The following ABCA10 variants were observed in gnomAD, a reference collection of about 807,000 sequenced individuals.
ABCA10 encodes ATP-binding cassette sub-family A member 10.
Under a neutral mutation model 187.5 loss-of-function variants are expected in ABCA10, and 169 were observed. The ratio of observed to expected loss-of-function variants is 0.90; its 90% CI spans 0.80 to 1.02. The LOEUF (loss-of-function observed/expected upper bound fraction) is 1.02, where lower values mean the gene tolerates loss of function less well. Ranked by LOEUF, ABCA10 falls within the 50% of genes least tolerant of loss-of-function variation. The probability of loss-of-function intolerance (pLI) is 0.00; values close to 1 mark genes in which losing one functional copy is unlikely to be tolerated. For synonymous variants in ABCA10, 574 were observed against 601.8 expected, an observed-to-expected ratio of 0.95 and a Z score of 0.68; for missense variants, 1,727 against 1,812.4, an observed-to-expected ratio of 0.95 and a Z score of 0.86.
intron 12 of ABCA10, 40 bp downstream of exon 12, chr17:69,194,345 G>T (rs755113300): frequency 1.3e-6 from 2 of 1,519,210 alleles, no homozygotes; most frequent in South Asian, 1.1e-5. Context: ...TTTACAACTT[G>T]CTTTTTCAGC....
intron 22 of ABCA10, among the ~76,000 whole-genome samples, chr17:69,177,058 G>C (rs1223446246): frequency 1.3e-5 from 2 of 152,144 alleles, no homozygotes; most frequent in East Asian, 3.9e-4. Flanking sequence ...GATTCCCAAA[G>C]TATGCATTAT....
intron 9 of ABCA10, among the ~76,000 whole-genome samples, chr17:69,210,830 GCC>G: frequency 7.8e-5 from 5 of 64,252 alleles, no homozygotes; most frequent in African/African-American, 4.2e-4. Flanking sequence ...ATATATATAT[GCC>G]ACATATTTAT....
chr17:69,208,771 T>C (rs1382199509), intron 9 of ABCA10, among the ~76,000 whole-genome samples: 1 of 152,192 alleles, frequency 6.6e-6, no homozygotes, highest in African/African-American at 2.4e-5. Flanking sequence ...GCACAGTGGC[T>C]CACATTTGTA....
chr17:69,192,548 ACC>A lies in ABCA10; in HGVS notation c.1871+13_1871+14del. On this transcript the variant is annotated intron_variant, in intron 16 of 38. Coordinates refer to ENST00000690296, the MANE Select transcript of ABCA10 (RefSeq NM_001377321.1). ...AATATGCTCATTTAAAAATAACTAC[ACC>A]TAGAATACATACCTTAAATGATATC... 6.3e-7 allele frequency: 1 copy of A among 1,588,654 alleles called. No individual in the cohort carries two copies. Among genetic ancestry groups the A allele is most frequent in the Non-Finnish European group, 8.6e-7 (1 of 1,159,816 alleles).
chr17:69,174,421 G>A (rs371259432), intron 24 of ABCA10, 27 bp from the exon 25 acceptor site: 362 of 1,539,334 alleles, frequency 2.4e-4, no homozygotes, highest in Non-Finnish European at 2.9e-4. Context: ...TCAATGGCAA[G>A]ATTAGAAATG....
At chr17:69,178,915 C>T (rs1341561143) in intron 22 of ABCA10, 1 of 152,106 alleles carries the variant, frequency 6.6e-6, no homozygotes, top group East Asian at 1.9e-4. Flanking sequence ...TAAGAGAGAA[C>T]TCACCTTCCC....
intron 24 of ABCA10, 60 bp from the exon 25 acceptor site, chr17:69,174,454 A>G (rs2074319017): frequency 2.0e-6 from 3 of 1,464,946 alleles, no homozygotes; most frequent in African/African-American, 2.9e-5. Flanking sequence ...GGGAAAGAGG[A>G]GGGGAGATAA....
At position 69,197,103 on chromosome 17, in the gene ABCA10, C is replaced by A. The variant is rs1568065104; in HGVS notation, c.1195G>T (p.Glu399Ter). ...ACTTTTCCAGTCTTTCCATTATATT[C>A]TTTTATAACATTTCTGATTCTGAAA... ...EAIRIRNVIKEYNGKTGKVEA... is the reference protein window; with the variant it reads ...EAIRIRNVIK The change falls in exon 11 of 39, where the codon GAA becomes TAA. Residue 399 changes from glutamate to a stop codon, truncating the protein, a stop_gained. Transcript: ENST00000690296. LOFTEE classifies it high-confidence loss of function. 1.3e-6 allele frequency: 2 copies of A among 1,595,730 alleles called. No individual in the cohort carries two copies. The highest frequency in any genetic ancestry group is 3.4e-5 in the Admixed American group (2 of 59,226).
chr17:69,156,389 T>C (rs1309658178), intron 28 of ABCA10, among the ~76,000 whole-genome samples: 2 of 152,212 alleles, frequency 1.3e-5, no homozygotes, highest in Admixed American at 6.6e-5. Flanking sequence ...AAAACTTATC[T>C]TGCCTAAAAT....
At chr17:69,155,738 C>T (rs1231234916) in intron 29 of ABCA10, 67 bp downstream of exon 29, 3 of 1,520,054 alleles carry the variant, frequency 2.0e-6, no homozygotes, top group African/African-American at 1.4e-5. Flanking sequence ...TAAAAACCAA[C>T]ATCTCATCAA....
At chr17:69,188,333 GCCT>G (rs932877620) in intron 18 of ABCA10, among the ~76,000 whole-genome samples, 4 of 151,928 alleles carry the variant, frequency 2.6e-5, no homozygotes, top group African/African-American at 9.7e-5. Context: ...TCATGGAAAG[GCCT>G]CCTGTTTGAG....
At chr17:69,227,412 T>G (rs896541910) in intron 1 of ABCA10, 127 bp from the exon 2 acceptor site, 7 of 152,072 alleles carry the variant, frequency 4.6e-5, no homozygotes, top group Admixed American at 3.3e-4. Flanking sequence ...AATCAGGATT[T>G]TAAAAAAGAA....
At chr17:69,176,418 A>G (rs779665878) in intron 22 of ABCA10, among the ~76,000 whole-genome samples, 16 of 152,150 alleles carry the variant, frequency 1.1e-4, no homozygotes, top group Non-Finnish European at 2.1e-4. Context: ...TGACAAAAAA[A>G]ATCTAAAGAA....
At chr17:69,222,200 C>CA (rs1183285351) in intron 4 of ABCA10, among the ~76,000 whole-genome samples, 1 of 151,648 alleles carries the variant, frequency 6.6e-6, no homozygotes, top group Non-Finnish European at 1.5e-5. Flanking sequence ...ACTAAAAATA[C>CA]AAAAAAATTA....
At position 69,193,214 on chromosome 17, in the gene ABCA10, T is replaced by A. The variant is rs752652282; in HGVS notation, c.1676A>T (p.Asp559Val). 6.2e-7 allele frequency: 1 copy of A among 1,614,020 alleles called. No homozygotes were observed. Among genetic ancestry groups the A allele is most frequent in the East Asian group, 2.2e-5 (1 of 44,864 alleles). Residue 559 changes from aspartate (D) to valine (V), a missense_variant, in exon 15 of 39, where the codon GAT becomes GTT. Transcript: ENST00000690296. ...CCACACTCGGTGTCTTGAAAAGGGA[T>A]CCAATCCAGCAGTTGGTTCATCTAG... ...LLLDEPTAGL[D>V]PFSRHRVWSL...
At chr17:69,220,811 T>C (rs2074742109) in intron 5 of ABCA10, among the ~76,000 whole-genome samples, 1 of 152,192 alleles carries the variant, frequency 6.6e-6, no homozygotes, top group African/African-American at 2.4e-5. Context: ...TTTTTGTATA[T>C]AACATTTTAT....
intron 14 of ABCA10, 22 bp from the exon 15 acceptor site, chr17:69,193,270 A>G (rs201378157): frequency 6.2e-7 from 1 of 1,606,436 alleles, no homozygotes; most frequent in African/African-American, 1.3e-5. Flanking sequence ...GAAACGTATG[A>G]AAGCATCTTC....
intron 32 of ABCA10, 60 bp downstream of exon 32, chr17:69,153,771 T>G: frequency 1.3e-6 from 2 of 1,537,420 alleles, no homozygotes; most frequent in Non-Finnish European, 1.7e-6. Context: ...TAATATATAA[T>G]GAAGAAATGA....
chr17:69,236,735 C>T (rs1164454902), intron 1 of ABCA10, among the ~76,000 whole-genome samples: 1 of 152,060 alleles, frequency 6.6e-6, no homozygotes, highest in Non-Finnish European at 1.5e-5. Context: ...TCCCCCTACC[C>T]CCACCCCAAC....
Sources: gnomAD v4.1 joint callset for allele counts (sites outside exome capture counted in the v4.1 genomes callset) on GRCh38, gnomAD v4.1.1 for gene constraint, MANE v1.5 for transcripts, NCBI Gene and HGNC (gene_info 2026-07-23, HGNC 2026-07-21) for gene names.